SNTB2: variants seen among roughly 807,000 people sequenced by gnomAD.
The protein encoded by SNTB2 is syntrophin beta 2.
In SNTB2, 34 loss-of-function variants were observed where a neutral mutation model predicts 46.2. That is an observed-to-expected ratio of 0.74 (90% CI 0.56 to 0.98). The LOEUF is 0.98. Ranked by LOEUF, SNTB2 falls within the 50% of genes least tolerant of loss-of-function variation. The pLI, the probability that SNTB2 is intolerant of heterozygous loss-of-function variation, is 0.00. For missense variants in SNTB2, 603 were observed against 731.4 expected, an observed-to-expected ratio of 0.82 and a Z score of 2.02; for synonymous variants, 290 against 312.6, an observed-to-expected ratio of 0.93 and a Z score of 0.76.
chr16:69,260,307 C>T, intron 3 of SNTB2, 47 bp downstream of exon 3: 2 of 1,546,524 alleles, frequency 1.3e-6, no homozygotes, highest in Non-Finnish European at 1.8e-6. Context: ...CCATTCAGTG[C>T]CAGGATGGTT....
chr16:69,204,288 G>A lies in SNTB2; in HGVS notation c.580+16542G>A, dbSNP rs1964193551. ...TCACTTGTAGTATGAGGAAGCAGAA[G>A]TGAACAGCACTGCTGCTCAGCTGCA... On this transcript the variant is annotated intron_variant, in intron 1 of 6. Coordinates refer to ENST00000336278, the MANE Select transcript of SNTB2 (RefSeq NM_006750.4). Among the ~76,000 whole-genome samples the A allele has an allele frequency of 2.6e-5, 4 of 152,322 alleles. No homozygotes were observed. In the South Asian group the frequency reaches 8.3e-4, roughly 32 times the overall value.
intron 1 of SNTB2, among the ~76,000 whole-genome samples, chr16:69,223,732 C>G (rs986793641): frequency 2.0e-5 from 3 of 151,352 alleles, no homozygotes; most frequent in Non-Finnish European, 4.4e-5. Context: ...GGATTCATGC[C>G]ATTCTCCTGC....
chr16:69,254,173 G>C (rs1292369405), intron 2 of SNTB2, among the ~76,000 whole-genome samples: 1 of 152,134 alleles, frequency 6.6e-6, no homozygotes, highest in African/African-American at 2.4e-5. Flanking sequence ...GGTGGGATGA[G>C]GGTGATTCTG....
chr16:69,195,012 G>T (rs1964089786), intron 1 of SNTB2, among the ~76,000 whole-genome samples: 1 of 152,140 alleles, frequency 6.6e-6, no homozygotes, highest in South Asian at 2.1e-4. Flanking sequence ...TTTAAAAAAT[G>T]CTTGACATGT....
At chr16:69,210,854 G>A (rs751917684) in intron 1 of SNTB2, among the ~76,000 whole-genome samples, 11 of 152,026 alleles carry the variant, frequency 7.2e-5, no homozygotes, top group Non-Finnish European at 1.3e-4. Flanking sequence ...TTAGTCAGGC[G>A]TGGTGGCGCG....
chr16:69,228,304 G>A (rs1005251246), intron 1 of SNTB2, among the ~76,000 whole-genome samples: 8 of 151,780 alleles, frequency 5.3e-5, no homozygotes, highest in South Asian at 2.1e-4. Context: ...TCAGGAGTTC[G>A]AGACTAGCCT....
intron 5 of SNTB2, among the ~76,000 whole-genome samples, chr16:69,293,744 T>C (rs1172170945): frequency 6.6e-6 from 1 of 151,992 alleles, no homozygotes; most frequent in African/African-American, 2.4e-5. Flanking sequence ...ACACAAGAGG[T>C]AGAAGTAGTA....
At position 69,301,905 on chromosome 16, in the gene SNTB2, A is replaced by G. The variant is rs1965279655; in HGVS notation, c.*981A>G. On this transcript the variant is annotated 3_prime_UTR_variant, in exon 7 of 7. Coordinates refer to ENST00000336278, the MANE Select transcript of SNTB2 (RefSeq NM_006750.4). ...CATTGAGGTGGGTTTCCTTAATGGCATCTCTTCTAGTAGGCAGATCTGTTT... is the reference window on the plus strand; with the variant it reads ...CATTGAGGTGGGTTTCCTTAATGGCGTCTCTTCTAGTAGGCAGATCTGTTT... 1 of 152,576 alleles carries G rather than the reference A, an allele frequency of 6.6e-6. No homozygotes were observed. The highest frequency in any genetic ancestry group is 1.5e-5 in the Non-Finnish European group (1 of 68,030). 9.5% of individuals were successfully genotyped at this position (152,576 alleles called of 1,614,324 possible).
chr16:69,267,498 T>C (rs960890361), intron 3 of SNTB2, among the ~76,000 whole-genome samples: 2 of 152,266 alleles, frequency 1.3e-5, no homozygotes, highest in African/African-American at 4.8e-5. Context: ...TTAGAGCTGA[T>C]ATTGTCCTTC....
intron 5 of SNTB2, 59 bp downstream of exon 5, chr16:69,284,303 G>T: frequency 7.1e-7 from 1 of 1,412,692 alleles, no homozygotes; most frequent in Non-Finnish European, 9.6e-7. Flanking sequence ...ATATAGTCAT[G>T]TGCTGCATAA....
At chr16:69,213,506 ATTTT>A (rs5817662) in intron 1 of SNTB2, among the ~76,000 whole-genome samples, 1 of 148,406 alleles carries the variant, frequency 6.7e-6, no homozygotes, top group Non-Finnish European at 1.5e-5. Flanking sequence ...TATTCTTCTT[ATTTT>A]TTTTTTTGAG....
In SNTB2 at chr16:69,227,841, ATTTTTTTTTTT is replaced by A. The variant is rs60387965; in HGVS notation, c.581-17746_581-17736del. Among the ~76,000 whole-genome samples, 41 of 115,902 alleles carry A rather than the reference ATTTTTTTTTTT, an allele frequency of 3.5e-4. 1 individual carries two copies. The highest frequency in any genetic ancestry group is 1.1e-3 in the African/African-American group (34 of 30,250). The allele number at this position is 115,902 out of a possible 152,430, so 76.0% of individuals were successfully genotyped here. ...AATGGTTAGCTTGCTGTTTCTCTGG[ATTTTTTTTTTT>A]TTTTTTTTTTTTTTAAGATAAGTAA... is the stretch of plus-strand genomic sequence containing the variant. On this transcript the variant is annotated intron_variant, in intron 1 of 6. Transcript: ENST00000336278.
intron 5 of SNTB2, among the ~76,000 whole-genome samples, chr16:69,291,875 G>A (rs1369998412): frequency 6.6e-6 from 1 of 151,814 alleles, no homozygotes; most frequent in East Asian, 1.9e-4. Context: ...GCAGGTCCAG[G>A]CTGCAGCACT....
chr16:69,190,896 T>G (rs999523881), intron 1 of SNTB2, among the ~76,000 whole-genome samples: 1 of 152,152 alleles, frequency 6.6e-6, no homozygotes, highest in Non-Finnish European at 1.5e-5. Context: ...CATTTTGCAA[T>G]TCACGTGTTG....
chr16:69,227,631 G>GA (rs1351219212), intron 1 of SNTB2, among the ~76,000 whole-genome samples: 14 of 152,198 alleles, frequency 9.2e-5, no homozygotes, highest in African/African-American at 3.4e-4. Flanking sequence ...AATTATTGTT[G>GA]ACTTTTATAG....
rs554686957 is a variant in SNTB2 at position 69,223,839 on chromosome 16, C to T, written c.581-21763C>T. On this transcript the variant is annotated intron_variant, in intron 1 of 6. Coordinates refer to ENST00000336278, the MANE Select transcript of SNTB2 (RefSeq NM_006750.4). ...TAGAGACGGGGTTTCACTGTGTTAG[C>T]CAGGATGGTCTTGATCTCCTGACCT... is the stretch of plus-strand genomic sequence containing the variant. Among the ~76,000 whole-genome samples, 110 of 152,098 alleles carry T rather than the reference C, an allele frequency of 7.2e-4. 2 individuals are homozygous for T. The South Asian group carries it at 0.022, about 31-fold the overall frequency.
At chr16:69,259,766 T>C (rs372766203) in intron 2 of SNTB2, among the ~76,000 whole-genome samples, 1 of 151,602 alleles carries the variant, frequency 6.6e-6, no homozygotes, top group East Asian at 1.9e-4. Context: ...CCCACCACCA[T>C]GTCCGGCTAA....
chr16:69,204,921 G>A (rs1964198770), intron 1 of SNTB2, among the ~76,000 whole-genome samples: 1 of 152,160 alleles, frequency 6.6e-6, no homozygotes, highest in Non-Finnish European at 1.5e-5. Context: ...AAGAGTTTCA[G>A]TAATGTTACT....
At chr16:69,283,961 A>G (rs1328185803) in intron 4 of SNTB2, 87 bp from the exon 5 acceptor site, 2 of 1,247,672 alleles carry the variant, frequency 1.6e-6, no homozygotes, top group African/African-American at 3.0e-5. Context: ...TGCTTTTATA[A>G]GTTTCTCTTA....
Sources: gnomAD v4.1 joint callset for allele counts (sites outside exome capture counted in the v4.1 genomes callset) on GRCh38, gnomAD v4.1.1 for gene constraint, MANE v1.5 for transcripts, NCBI Gene and HGNC (gene_info 2026-07-23, HGNC 2026-07-21) for gene names.